Variants in OLA1 observed in about 807,000 individuals in gnomAD.
The protein encoded by OLA1 is Obg like ATPase 1, also known as obg-like ATPase 1.
A neutral mutation model predicts 48.4 loss-of-function variants in OLA1; 14 were observed. The observed-to-expected ratio is 0.29, with a 90% CI of 0.19 to 0.45. The LOEUF is 0.45. OLA1 is among the 20% of genes least tolerant of loss of function. The pLI, the probability that OLA1 is intolerant of heterozygous loss-of-function variation, is 1.00. For missense variants in OLA1, 325 were observed against 467.1 expected (o/e 0.70, Z 2.80); for synonymous variants, 127 against 150.4 (o/e 0.84, Z 1.14).
chr2:174,186,596 T>C (rs145249915), intron 4 of OLA1, among the ~76,000 whole-genome samples: 1 of 152,292 alleles, frequency 6.6e-6, no homozygotes, highest in African/African-American at 2.4e-5. Context: ...ATGGCACGTG[T>C]TGTACAGGCT....
intron 4 of OLA1, among the ~76,000 whole-genome samples, chr2:174,195,963 G>C (rs1421208678): frequency 6.6e-6 from 1 of 151,936 alleles, no homozygotes; most frequent in Non-Finnish European, 1.5e-5. Context: ...CAATATACTA[G>C]TACTGTTAAC....
In OLA1 at chr2:174,189,954, G is replaced by A. The variant is rs1241167132; in HGVS notation, c.373+33079C>T. ...AATGATCTGAATAAACAACATTACA[G>A]CCATAAAATGAAATAAAATACATCT... On this transcript the variant is annotated intron_variant, in intron 4 of 10. Coordinates refer to ENST00000284719, the MANE Select transcript of OLA1 (RefSeq NM_013341.5). 5.3e-5 allele frequency among the ~76,000 whole-genome samples: 8 copies of A among 150,334 alleles called. 1 individual carries two copies. Among genetic ancestry groups the A allele is most frequent in the Admixed American group, 4.6e-4 (7 of 15,110 alleles).
chr2:174,169,020 G>T (rs377288331), intron 4 of OLA1, among the ~76,000 whole-genome samples: 14 of 151,896 alleles, frequency 9.2e-5, no homozygotes, highest in African/African-American at 2.9e-4. Flanking sequence ...GTGCAATGGC[G>T]CAATCTCAGC....
intron 4 of OLA1, among the ~76,000 whole-genome samples, chr2:174,213,866 T>C (rs1021948615): frequency 6.6e-6 from 1 of 152,160 alleles, no homozygotes; most frequent in Non-Finnish European, 1.5e-5. Flanking sequence ...TTTTTAAAAG[T>C]ACATGTGAAT....
chr2:174,099,680 A>T (rs558647366), intron 7 of OLA1, among the ~76,000 whole-genome samples: 103 of 152,332 alleles, frequency 6.8e-4, no homozygotes, highest in African/African-American at 2.4e-3. Context: ...TTTACATATA[A>T]ATTAATTCAC....
chr2:174,147,420 T>A (rs1468363435), intron 4 of OLA1, among the ~76,000 whole-genome samples: 3 of 151,666 alleles, frequency 2.0e-5, no homozygotes, highest in Non-Finnish European at 4.4e-5. Context: ...AGAGCGAAAC[T>A]CCGTCTCAAA....
chr2:174,127,785 G>A (rs1686076529), intron 5 of OLA1, among the ~76,000 whole-genome samples: 1 of 152,094 alleles, frequency 6.6e-6, no homozygotes, highest in Admixed American at 6.6e-5. Context: ...ACCAGAGGTT[G>A]AGACACTGAC....
chr2:174,146,662 A>G (rs1002963331), intron 4 of OLA1, among the ~76,000 whole-genome samples: 3 of 152,220 alleles, frequency 2.0e-5, no homozygotes, highest in Non-Finnish European at 4.4e-5. Context: ...AGTCAGAGAA[A>G]AACTAGGAGT....
At chr2:174,231,681 A>C (rs4425051) in intron 2 of OLA1, among the ~76,000 whole-genome samples, 1 of 152,012 alleles carries the variant, frequency 6.6e-6, no homozygotes, top group South Asian at 2.1e-4. Context: ...AAATATCCAT[A>C]TTCACAGACT....
chr2:174,150,779 C>T (rs540138517), intron 4 of OLA1, among the ~76,000 whole-genome samples: 1 of 152,144 alleles, frequency 6.6e-6, no homozygotes, highest in Non-Finnish European at 1.5e-5. Context: ...ATCTTGATCT[C>T]AGTAACTGGA....
intron 4 of OLA1, among the ~76,000 whole-genome samples, chr2:174,148,301 A>C (rs978853888): frequency 1.3e-5 from 2 of 152,140 alleles, no homozygotes; most frequent in African/African-American, 4.8e-5. Flanking sequence ...AGGCAGGAGC[A>C]CTGCTTGAAC....
intron 4 of OLA1, among the ~76,000 whole-genome samples, chr2:174,209,958 T>C (rs1292638615): frequency 1.3e-5 from 2 of 152,108 alleles, no homozygotes; most frequent in African/African-American, 4.8e-5. Context: ...ATCCATATAA[T>C]GAAATCTGTA....
At chr2:174,228,889 T>C (rs560291754) in intron 3 of OLA1, among the ~76,000 whole-genome samples, 1 of 152,330 alleles carries the variant, frequency 6.6e-6, no homozygotes, top group Non-Finnish European at 1.5e-5. Context: ...ATTACTTTTT[T>C]CTTTTTGAGA....
intron 2 of OLA1, among the ~76,000 whole-genome samples, chr2:174,243,104 G>A (rs1689043843): frequency 1.3e-5 from 2 of 152,124 alleles, no homozygotes; most frequent in African/African-American, 4.8e-5. Context: ...CGCCTCCCAG[G>A]TTGAAGCAAT....
chr2:174,197,186 A>C (rs1490594038), intron 4 of OLA1, among the ~76,000 whole-genome samples: 1 of 152,170 alleles, frequency 6.6e-6, no homozygotes, highest in Non-Finnish European at 1.5e-5. Context: ...AGGTTAATTG[A>C]TATCTGGCTA....
intron 4 of OLA1, among the ~76,000 whole-genome samples, chr2:174,217,706 A>G (rs1318656170): frequency 6.6e-6 from 1 of 152,044 alleles, no homozygotes; most frequent in Non-Finnish European, 1.5e-5. Context: ...CCCCTCCCCC[A>G]GGCTACCGTG....
intron 7 of OLA1, among the ~76,000 whole-genome samples, chr2:174,097,022 G>A (rs1315555317): frequency 1.3e-5 from 2 of 152,174 alleles, no homozygotes; most frequent in Non-Finnish European, 2.9e-5. Flanking sequence ...CGGGCGTGGT[G>A]GCAGGTGCCT....
rs920352807 is a variant in OLA1 at position 174,219,404 on chromosome 2, C to T, written c.373+3629G>A. Among the ~76,000 whole-genome samples the T allele has an allele frequency of 8.5e-5, 12 of 141,138 alleles. No individual in the cohort carries two copies. The South Asian group carries it at 2.8e-3, about 32-fold the overall frequency. 92.6% of individuals were successfully genotyped at this position (141,138 alleles called of 152,430 possible). On this transcript the variant is annotated intron_variant, in intron 4 of 10. Transcript: ENST00000284719. ...AAATGAAAATTCAAACTATTGGCAA[C>T]TTACTCCATTTTATTTCCCTTTTTT...
At chr2:174,205,087 G>A (rs911883615) in intron 4 of OLA1, among the ~76,000 whole-genome samples, 4 of 152,098 alleles carry the variant, frequency 2.6e-5, no homozygotes, top group Non-Finnish European at 5.9e-5. Flanking sequence ...TTAAATTATC[G>A]CATATAGTAA....
Sources: allele counts gnomAD v4.1 joint callset (sites outside exome capture counted in the v4.1 genomes callset), GRCh38; gene constraint gnomAD v4.1.1; transcripts MANE v1.5; gene names NCBI Gene and HGNC (gene_info 2026-07-23, HGNC 2026-07-21).